CARMIL1: variants seen among roughly 807,000 people sequenced by gnomAD.
CARMIL1 encodes F-actin-uncapping protein LRRC16A.
Under a neutral mutation model 177.1 loss-of-function variants are expected in CARMIL1, and 90 were observed. That is an observed-to-expected ratio of 0.51 (90% CI 0.43 to 0.61). The LOEUF is 0.61. CARMIL1 is among the 20% of genes least tolerant of loss of function. The pLI is 0.00. For missense variants in CARMIL1, 1,380 were observed against 1,667.0 expected, an observed-to-expected ratio of 0.83 and a Z score of 3.00; for synonymous variants, 577 against 606.2, an observed-to-expected ratio of 0.95 and a Z score of 0.71.
At chr6:25,486,184 G>C (rs530976065) in intron 12 of CARMIL1, among the ~76,000 whole-genome samples, 2 of 152,262 alleles carry the variant, frequency 1.3e-5, no homozygotes, top group African/African-American at 4.8e-5. Flanking sequence ...TGTTTAGTTA[G>C]GGCTGTAAGA....
intron 5 of CARMIL1, among the ~76,000 whole-genome samples, chr6:25,443,965 G>A (rs931134034): frequency 1.3e-5 from 2 of 152,000 alleles, no homozygotes; most frequent in African/African-American, 2.4e-5. Flanking sequence ...CACCACGCCC[G>A]AATAATTTTG....
At position 25,581,300 on chromosome 6, in the gene CARMIL1, C is replaced by G. The variant is rs367782367; in HGVS notation, c.2867C>G (p.Pro956Arg). 5.9e-5 allele frequency: 96 copies of G among 1,613,752 alleles called. No homozygotes were observed. Among genetic ancestry groups the G allele is most frequent in the Non-Finnish European group, 7.8e-5 (92 of 1,179,860 alleles). The change falls in exon 31 of 37, where the codon CCG becomes CGG. Residue 956 changes from proline (P) to arginine (R), a missense_variant. Physicochemically the swap from Pro to Arg is moderately radical, Grantham distance 103. Transcript: ENST00000329474. Reference protein sequence around the residue: ...LEEVPIHIEDPPFPSLRQEKR... With the variant: ...LEEVPIHIEDRPFPSLRQEKR... ...GAGGTACCAATTCACATCGAAGACC[C>G]GCCCTTCCCATCCCTCAGACAGGAG...
Position 25,594,502 on chromosome 6 carries a change from A to C in CARMIL1, c.3094A>C (p.Lys1032Gln). 6.2e-7 allele frequency: 1 copy of C among 1,611,876 alleles called. No individual in the cohort carries two copies. The highest frequency in any genetic ancestry group is 1.1e-5 in the South Asian group (1 of 90,942). Residue 1032 changes from lysine to glutamine, a missense_variant, in exon 32 of 37, where the codon AAG (lysine) becomes CAG (glutamine). Physicochemically the swap from Lys to Gln is moderately conservative, Grantham distance 53 (BLOSUM62 1). Coordinates refer to ENST00000329474, the MANE Select transcript of CARMIL1 (RefSeq NM_017640.6). ...TGAAGGTGTAGATGAATTTTTTACC[A>C]AGAAGGTGACCAAAATGGATTCCAA... ...VDEGVDEFFT[K>Q]KVTKMDSKKW...
In CARMIL1 at chr6:25,510,718, C is replaced by G; in HGVS notation, c.1588C>G (p.Pro530Ala). ...CTAAAATCTCTTTAGAAATCTGACACCTGTATTGGACAACTTAGTACAGAT... is the reference window on the plus strand; with the variant it reads ...CTAAAATCTCTTTAGAAATCTGACAGCTGTATTGGACAACTTAGTACAGAT... The part of the protein sequence containing the change: ...FNNMKSKNLT[P>A]VLDNLVQMIQ... Residue 530 changes from proline (P) to alanine (A), a missense_variant, in exon 20 of 37, where the codon CCT (proline) becomes GCT (alanine). By Grantham distance (27) the Pro-to-Ala change is conservative. Transcript: ENST00000329474. 1.3e-6 allele frequency: 2 copies of G among 1,548,480 alleles called. No homozygotes were observed. Among genetic ancestry groups the G allele is most frequent in the South Asian group, 2.4e-5 (2 of 83,956 alleles).
At position 25,526,150 on chromosome 6, in the gene CARMIL1, C is replaced by CAAATAAATAAAT. The variant is rs71544642; in HGVS notation, c.1969-2610_1969-2599dup. ...TGAAACCCTGTCTCTACTAAAAATACAAATAAATAAATAAATAAATAAATA... is the reference window on the plus strand; with the variant it reads ...TGAAACCCTGTCTCTACTAAAAATACAAATAAATAAATAAATAAATAAATAAATAAATAAATA... On this transcript the variant is annotated intron_variant, in intron 23 of 36. Coordinates refer to ENST00000329474, the MANE Select transcript of CARMIL1 (RefSeq NM_017640.6). Among the ~76,000 whole-genome samples, 144 of 139,222 alleles carry CAAATAAATAAAT rather than the reference C, an allele frequency of 1.0e-3. 1 individual carries two copies. Among genetic ancestry groups the CAAATAAATAAAT allele is most frequent in the East Asian group, 4.7e-3 (22 of 4,648 alleles). 91.3% of individuals were successfully genotyped at this position (139,222 alleles called of 152,430 possible).
At chr6:25,294,692 TTA>T (rs1482601229) in intron 2 of CARMIL1, among the ~76,000 whole-genome samples, 1 of 152,184 alleles carries the variant, frequency 6.6e-6, no homozygotes, top group Non-Finnish European at 1.5e-5. Context: ...TTCTTTGGTC[TTA>T]TAGTCCTCAG....
chr6:25,615,752 A>G (rs1269270459), intron 36 of CARMIL1, among the ~76,000 whole-genome samples: 1 of 152,220 alleles, frequency 6.6e-6, no homozygotes, highest in Non-Finnish European at 1.5e-5. Context: ...TAGAAAGTAT[A>G]AAAAATCAGG....
chr6:25,382,455 A>G (rs1174405612), intron 2 of CARMIL1, among the ~76,000 whole-genome samples: 1 of 152,180 alleles, frequency 6.6e-6, no homozygotes, highest in Non-Finnish European at 1.5e-5. Context: ...AAGAGTGAGC[A>G]GCAGCAAGAT....
At chr6:25,562,597 G>T (rs16890747) in intron 29 of CARMIL1, among the ~76,000 whole-genome samples, 6,994 of 152,156 alleles carry the variant, frequency 0.046, 234 homozygotes, top group South Asian at 0.1. Flanking sequence ...AGTGTTGACT[G>T]CCCTCACAGG....
chr6:25,581,352 G>T lies in CARMIL1; in HGVS notation c.2919G>T (p.Glu973Asp), dbSNP rs1562307161. 1 of 1,613,804 alleles carries T rather than the reference G, an allele frequency of 6.2e-7. No individual in the cohort carries two copies. Among genetic ancestry groups the T allele is most frequent in the Non-Finnish European group, 8.5e-7 (1 of 1,179,842 alleles). Residue 973 changes from glutamate to aspartate, a missense_variant, in exon 31 of 37, where the codon GAG (glutamate) becomes GAT (aspartate). Glu to Asp is a conservative substitution (Grantham distance 45). Transcript: ENST00000329474. ...QEKRSSGFISELPSEEGKKLE... is the reference protein window; with the variant it reads ...QEKRSSGFISDLPSEEGKKLE... ...AGCGGAGCTCGGGATTTATCTCTGAGTTGCCCTCTGAAGAGGGGAAGAAGC... is the reference window on the plus strand; with the variant it reads ...AGCGGAGCTCGGGATTTATCTCTGATTTGCCCTCTGAAGAGGGGAAGAAGC...
At chr6:25,607,701 A>G (rs1187369668) in intron 35 of CARMIL1, among the ~76,000 whole-genome samples, 1 of 152,154 alleles carries the variant, frequency 6.6e-6, no homozygotes, top group Non-Finnish European at 1.5e-5. Context: ...TGTGTGTCCA[A>G]ACTTCTTCCA....
chr6:25,488,511 G>A lies in CARMIL1; in HGVS notation c.991G>A (p.Ala331Thr). 1 of 1,613,976 alleles carries A rather than the reference G, an allele frequency of 6.2e-7. No homozygotes were observed. Among genetic ancestry groups the A allele is most frequent in the African/African-American group, 1.3e-5 (1 of 75,046 alleles). Residue 331 changes from alanine (A) to threonine (T), a missense_variant, in exon 13 of 37, where the codon GCC (alanine) becomes ACC (threonine). Coordinates refer to ENST00000329474, the MANE Select transcript of CARMIL1 (RefSeq NM_017640.6). ...GAACAGCCTTTCTCAGTCACTCAGT[G>A]CCAATCCATTGACCGCCTCTACCCT... ...GVNSLSQSLS[A>T]NPLTASTLVH...
intron 30 of CARMIL1, 84 bp from the exon 31 acceptor site, chr6:25,581,159 T>TTCTA: frequency 7.2e-7 from 1 of 1,398,164 alleles, no homozygotes; most frequent in Admixed American, 2.4e-5. Flanking sequence ...AGACTTAAAA[T>TTCTA]TACTTTTAGG....
chr6:25,561,467 C>G (rs556638251), intron 29 of CARMIL1, among the ~76,000 whole-genome samples: 162 of 152,204 alleles, frequency 1.1e-3, no homozygotes, highest in African/African-American at 3.8e-3. Context: ...ATTGCTGTTC[C>G]TAGGAAAAGA....
intron 17 of CARMIL1, among the ~76,000 whole-genome samples, chr6:25,505,960 G>A (rs2151034582): frequency 6.6e-6 from 1 of 152,272 alleles, no homozygotes; most frequent in East Asian, 1.9e-4. Flanking sequence ...TTCTTTAAGT[G>A]GAAGCTTTTC....
intron 2 of CARMIL1, among the ~76,000 whole-genome samples, chr6:25,325,740 G>A (rs180819253): frequency 3.3e-4 from 51 of 152,298 alleles, no homozygotes; most frequent in Admixed American, 6.5e-4. Flanking sequence ...GGCTTGATTA[G>A]TCTTGCTAGG....
intron 2 of CARMIL1, among the ~76,000 whole-genome samples, chr6:25,403,319 G>GCTAA (rs1794052711): frequency 6.6e-6 from 1 of 152,116 alleles, no homozygotes; most frequent in Non-Finnish European, 1.5e-5. Flanking sequence ...CAGCACTCCT[G>GCTAA]CTAACCTCTG....
In CARMIL1 at chr6:25,479,031, C is replaced by T. The variant is rs187493850; in HGVS notation, c.875-3226C>T. ...ATTGGTAGAAATGTAAAAATTTTTA[C>T]TCACCTGTGCTCTGACATCCACAAT... is the stretch of plus-strand genomic sequence containing the variant. On this transcript the variant is annotated intron_variant, in intron 11 of 36. Transcript: ENST00000329474. The T allele has an allele frequency of 1.9e-5, 9 of 464,364 alleles. No homozygotes were observed. The Admixed American group carries it at 2.1e-4, about 11-fold the overall frequency. 28.8% of individuals were successfully genotyped at this position (464,364 alleles called of 1,614,324 possible). A position where few individuals can be genotyped will look rare whatever the true frequency, so the allele number is the denominator to read the frequency against.
At chr6:25,476,288 C>T (rs1801569765) in intron 11 of CARMIL1, among the ~76,000 whole-genome samples, 1 of 152,182 alleles carries the variant, frequency 6.6e-6, no homozygotes, top group South Asian at 2.1e-4. Context: ...CCAGTGCTGT[C>T]ATCATGAATC....
Sources: allele counts gnomAD v4.1 joint callset (sites outside exome capture counted in the v4.1 genomes callset), GRCh38; gene constraint gnomAD v4.1.1; transcripts MANE v1.5; gene names NCBI Gene and HGNC (gene_info 2026-07-23, HGNC 2026-07-21).